PGGT1B: variants seen among roughly 807,000 people sequenced by gnomAD.
PGGT1B encodes protein geranylgeranyltransferase type I subunit beta, also known as geranylgeranyl transferase type-1 subunit beta.
Under a neutral mutation model 46.1 loss-of-function variants are expected in PGGT1B, and 30 were observed. That is an observed-to-expected ratio of 0.65 (90% CI 0.49 to 0.88). The LOEUF is 0.88. Among genes scored for constraint, PGGT1B ranks in the 40% least tolerant of loss-of-function variants. PGGT1B has a pLI of 0.00. For missense variants in PGGT1B, 376 were observed against 455.9 expected (o/e 0.82, Z 1.60); for synonymous variants, 170 against 160.0 (o/e 1.06, Z -0.47).
intron 6 of PGGT1B, among the ~76,000 whole-genome samples, chr5:115,230,167 C>T (rs1157154208): frequency 4.0e-5 from 6 of 151,856 alleles, no homozygotes; most frequent in East Asian, 1.9e-4. Context: ...GGAAACCCTC[C>T]GAGAAATTAC....
chr5:115,223,964 A>G (rs1306099233), intron 6 of PGGT1B, among the ~76,000 whole-genome samples: 3 of 152,176 alleles, frequency 2.0e-5, no homozygotes, highest in Non-Finnish European at 2.9e-5. Context: ...CAAATCTTGA[A>G]TGTATTCTCT....
chr5:115,223,886 A>G (rs1408992409), intron 6 of PGGT1B, among the ~76,000 whole-genome samples: 1 of 152,170 alleles, frequency 6.6e-6, no homozygotes. Flanking sequence ...AGTGATTTTT[A>G]TTAATTTCAG....
At position 115,212,489 on chromosome 5, in the gene PGGT1B, C is replaced by T; in HGVS notation, c.1047G>A (p.Arg349=). The part of the protein sequence containing the change: ...KVHPALNVST[R]TSERLLDLHQ... ...GGAGATCTAGAAGGCGTTCAGAAGT[C>T]CGTGTGCTTACATTCAGAGCAGGAT... The change falls in exon 9 of 9, where the codon CGG becomes CGA. Residue 349 remains arginine, a synonymous_variant. Transcript: ENST00000419445. 1 of 1,613,242 alleles carries T rather than the reference C, an allele frequency of 6.2e-7. No individual in the cohort carries two copies. The highest frequency in any genetic ancestry group is 8.5e-7 in the Non-Finnish European group (1 of 1,179,544).
chr5:115,236,631 G>A (rs963004165), intron 4 of PGGT1B, 109 bp from the exon 5 acceptor site: 4 of 577,612 alleles, frequency 6.9e-6, no homozygotes, highest in Non-Finnish European at 1.2e-5. Context: ...AAAATCTGTT[G>A]ATTATTCTAC....
chr5:115,258,951 A>G (rs1014003081), intron 1 of PGGT1B, among the ~76,000 whole-genome samples: 1 of 152,180 alleles, frequency 6.6e-6, no homozygotes, highest in Non-Finnish European at 1.5e-5. Context: ...CAGTTCCCAT[A>G]AAGTAAATTT....
chr5:115,229,046 T>A (rs1370637209), intron 6 of PGGT1B, among the ~76,000 whole-genome samples: 2 of 152,140 alleles, frequency 1.3e-5, no homozygotes, highest in Non-Finnish European at 2.9e-5. Context: ...GTTGCCAAAC[T>A]GCAGGACTAC....
At chr5:115,227,824 G>T (rs1467872880) in intron 6 of PGGT1B, among the ~76,000 whole-genome samples, 1 of 152,106 alleles carries the variant, frequency 6.6e-6, no homozygotes, top group Non-Finnish European at 1.5e-5. Context: ...GTTGATATGG[G>T]GATTCAATGA....
chr5:115,217,097 G>A, intron 7 of PGGT1B, 124 bp from the exon 8 acceptor site: 1 of 619,936 alleles, frequency 1.6e-6, no homozygotes, highest in Admixed American at 3.2e-5. Context: ...CCAAGTCTCT[G>A]GGGCCTTGAG....
chr5:115,235,969 T>C (rs969272369), intron 5 of PGGT1B, among the ~76,000 whole-genome samples: 4 of 152,110 alleles, frequency 2.6e-5, no homozygotes, highest in Admixed American at 1.3e-4. Context: ...GAGCAAAGGA[T>C]AGTTCTGGCT....
rs934508749 is a variant in PGGT1B, at chr5:115,206,306, G to C, written c.*6096C>G. The stretch of plus-strand genomic sequence containing the variant: ...ATAGGCTGTGGGTATAGTATAGGCT[G>C]GGATGGGGAGAGAACTATCATTTTT... On this transcript the variant is annotated 3_prime_UTR_variant, in exon 9 of 9. Transcript: ENST00000419445. 3 of 151,866 alleles carry C rather than the reference G, an allele frequency of 2.0e-5. No homozygotes were observed. The highest frequency in any genetic ancestry group is 7.2e-5 in the African/African-American group (3 of 41,410). 9.4% of individuals were successfully genotyped at this position (151,866 alleles called of 1,614,324 possible).
intron 3 of PGGT1B, among the ~76,000 whole-genome samples, chr5:115,240,420 G>C (rs968408588): frequency 6.6e-6 from 1 of 152,140 alleles, no homozygotes; most frequent in Non-Finnish European, 1.5e-5. Context: ...ACGATATTCT[G>C]TTCATTATGA....
At chr5:115,252,025 G>A (rs1387425859) in intron 2 of PGGT1B, among the ~76,000 whole-genome samples, 2 of 152,046 alleles carry the variant, frequency 1.3e-5, no homozygotes, top group African/African-American at 4.8e-5. Context: ...TGGAAAATGA[G>A]GACCATAACT....
At chr5:115,257,516 G>A (rs1293612780) in intron 1 of PGGT1B, among the ~76,000 whole-genome samples, 5 of 55,196 alleles carry the variant, frequency 9.1e-5, no homozygotes, top group African/African-American at 4.1e-4. Context: ...GGCAACAATA[G>A]CAAAACTCCA....
At chr5:115,255,932 T>C in intron 1 of PGGT1B, among the ~76,000 whole-genome samples, 1 of 152,182 alleles carries the variant, frequency 6.6e-6, no homozygotes, top group East Asian at 1.9e-4. Flanking sequence ...AGAATCTGCT[T>C]AAAAACAAAC....
chr5:115,223,148 T>C (rs548980090), intron 6 of PGGT1B, among the ~76,000 whole-genome samples: 1 of 150,760 alleles, frequency 6.6e-6, no homozygotes, highest in South Asian at 2.1e-4. Context: ...AAGAAAAGAA[T>C]GGTGGGGGAT....
At chr5:115,228,183 G>A (rs1756853580) in intron 6 of PGGT1B, among the ~76,000 whole-genome samples, 1 of 152,162 alleles carries the variant, frequency 6.6e-6, no homozygotes. Context: ...AATGGAAAGA[G>A]GGCTATGCAG....
Position 115,254,303 on chromosome 5 carries a change from T to C in PGGT1B, c.141-1048A>G, listed in dbSNP as rs1748223304. 3.9e-5 allele frequency among the ~76,000 whole-genome samples: 6 copies of C among 152,044 alleles called. No homozygotes were observed. The South Asian group carries it at 6.2e-4, about 16-fold the overall frequency. On this transcript the variant is annotated intron_variant, in intron 1 of 8. Coordinates refer to ENST00000419445, the MANE Select transcript of PGGT1B (RefSeq NM_005023.4). Reference sequence around the variant, plus strand: ...TTTCAGATTTCAGATTTTTTTTTGATTTTAGAATATTTGCATATACATGAG... The same window carrying C: ...TTTCAGATTTCAGATTTTTTTTTGACTTTAGAATATTTGCATATACATGAG...
At chr5:115,252,072 G>C (rs1208820491) in intron 2 of PGGT1B, among the ~76,000 whole-genome samples, 1 of 152,064 alleles carries the variant, frequency 6.6e-6, no homozygotes, top group Non-Finnish European at 1.5e-5. Context: ...AGGTTTAGAA[G>C]AATAGTACTC....
At chr5:115,244,922 T>C (rs957962421) in intron 2 of PGGT1B, among the ~76,000 whole-genome samples, 1 of 152,146 alleles carries the variant, frequency 6.6e-6, no homozygotes, top group African/African-American at 2.4e-5. Context: ...TTTTAATCCT[T>C]CTCTAGTTGG....
Sources: gnomAD v4.1 joint callset for allele counts (sites outside exome capture counted in the v4.1 genomes callset) on GRCh38, gnomAD v4.1.1 for gene constraint, MANE v1.5 for transcripts, NCBI Gene and HGNC (gene_info 2026-07-23, HGNC 2026-07-21) for gene names.